Variants in HS6ST3 observed in about 807,000 individuals in gnomAD.
HS6ST3 encodes the protein heparan-sulfate 6-O-sulfotransferase 3.
HS6ST3 carries 12 observed loss-of-function variants against 36.7 expected under a neutral mutation model. That is an observed-to-expected ratio of 0.33 (90% CI 0.21 to 0.53). The LOEUF (loss-of-function observed/expected upper bound fraction) is 0.53. Ranked by LOEUF, HS6ST3 falls within the 20% of genes least tolerant of loss-of-function variation. The pLI, the probability that HS6ST3 is intolerant of heterozygous loss-of-function variation, is 0.95. For missense variants in HS6ST3, 584 were observed against 640.9 expected (o/e 0.91, Z 0.96); for synonymous variants, 240 against 257.5 (o/e 0.93, Z 0.65).
intron 1 of HS6ST3, among the ~76,000 whole-genome samples, chr13:96,163,644 A>G (rs147442004): frequency 6.6e-6 from 1 of 152,294 alleles, no homozygotes; most frequent in Non-Finnish European, 1.5e-5. Flanking sequence ...ATAATGGCAT[A>G]ATAGTATAGG....
chr13:96,575,239 A>T (rs1375912557), intron 1 of HS6ST3, among the ~76,000 whole-genome samples: 2 of 152,194 alleles, frequency 1.3e-5, no homozygotes, highest in African/African-American at 4.8e-5. Context: ...TCAGTGGCAT[A>T]GCCTGCTGAA....
intron 1 of HS6ST3, among the ~76,000 whole-genome samples, chr13:96,731,341 C>T (rs942966883): frequency 2.0e-5 from 3 of 152,176 alleles, no homozygotes; most frequent in African/African-American, 7.2e-5. Flanking sequence ...TGGTATTTGT[C>T]TTTCTGTGCC....
intron 1 of HS6ST3, among the ~76,000 whole-genome samples, chr13:96,759,497 CTTA>C (rs1403700201): frequency 1.3e-5 from 2 of 151,622 alleles, no homozygotes; most frequent in African/African-American, 2.4e-5. Flanking sequence ...GTACAATAAA[CTTA>C]TTATGATCTA....
At position 96,327,656 on chromosome 13, in the gene HS6ST3, G is replaced by A. The variant is rs1247796426; in HGVS notation, c.707+236087G>A. Among the ~76,000 whole-genome samples the A allele has an allele frequency of 9.3e-5, 14 of 151,252 alleles. No homozygotes were observed. In the East Asian group the frequency reaches 2.4e-3, roughly 25 times the overall value. ...TCTTTTGGCTTAGGATTGACTTGGCGATGCGGGCTCTTTTTTGGTTCCATA... is the reference window on the plus strand; with the variant it reads ...TCTTTTGGCTTAGGATTGACTTGGCAATGCGGGCTCTTTTTTGGTTCCATA... On this transcript the variant is annotated intron_variant, in intron 1 of 1. Transcript: ENST00000376705.
chr13:96,700,840 G>A (rs983916627), intron 1 of HS6ST3, among the ~76,000 whole-genome samples: 1 of 152,162 alleles, frequency 6.6e-6, no homozygotes, highest in Non-Finnish European at 1.5e-5. Flanking sequence ...TTCCTCTAGA[G>A]TGAATGATTC....
intron 1 of HS6ST3, among the ~76,000 whole-genome samples, chr13:96,636,705 A>C (rs940170418): frequency 1.3e-5 from 2 of 152,186 alleles, no homozygotes; most frequent in African/African-American, 2.4e-5. Context: ...TGGAATTGAC[A>C]TAAATCTAAT....
intron 1 of HS6ST3, among the ~76,000 whole-genome samples, chr13:96,130,715 T>C (rs1287279270): frequency 6.6e-6 from 1 of 152,216 alleles, no homozygotes; most frequent in Non-Finnish European, 1.5e-5. Context: ...CCTTGGGCTT[T>C]TCAGTCAGCT....
Position 96,761,100 on chromosome 13 carries a change from C to T in HS6ST3, c.708-71390C>T, listed in dbSNP as rs532198031. Reference sequence around the variant, plus strand: ...TTTAGCATTTTCTCTGTATATATGACGTGTTGAATTTTTTTTCACTTTTTT... The same window carrying T: ...TTTAGCATTTTCTCTGTATATATGATGTGTTGAATTTTTTTTCACTTTTTT... On this transcript the variant is annotated intron_variant, in intron 1 of 1. Coordinates refer to ENST00000376705, the MANE Select transcript of HS6ST3 (RefSeq NM_153456.4). Among the ~76,000 whole-genome samples the T allele has an allele frequency of 5.3e-5, 8 of 151,548 alleles. No homozygotes were observed. In the South Asian group the frequency reaches 8.3e-4, roughly 16 times the overall value.
At chr13:96,659,294 T>C (rs2056638151) in intron 1 of HS6ST3, among the ~76,000 whole-genome samples, 1 of 152,164 alleles carries the variant, frequency 6.6e-6, no homozygotes, top group South Asian at 2.1e-4. Flanking sequence ...TGCTGATTTG[T>C]CCTTTGGATA....
intron 1 of HS6ST3, among the ~76,000 whole-genome samples, chr13:96,831,536 A>G (rs780436158): frequency 6.6e-5 from 10 of 152,318 alleles, no homozygotes; most frequent in Middle Eastern, 3.4e-3. Flanking sequence ...ATCTGTGCAA[A>G]GCATCCATAA....
At chr13:96,713,665 T>C (rs1875622736) in intron 1 of HS6ST3, among the ~76,000 whole-genome samples, 1 of 152,214 alleles carries the variant, frequency 6.6e-6, no homozygotes, top group Non-Finnish European at 1.5e-5. Context: ...AGTAGGGCTT[T>C]GGTAGAAGCA....
intron 1 of HS6ST3, among the ~76,000 whole-genome samples, chr13:96,366,624 A>G (rs2055264469): frequency 6.6e-6 from 1 of 152,086 alleles, no homozygotes; most frequent in African/African-American, 2.4e-5. Flanking sequence ...CCCCATGCCC[A>G]AGATGCACCC....
At chr13:96,389,688 CA>C (rs1003695336) in intron 1 of HS6ST3, among the ~76,000 whole-genome samples, 1 of 152,012 alleles carries the variant, frequency 6.6e-6, no homozygotes, top group African/African-American at 2.4e-5. Context: ...AACATGAACA[CA>C]ATGGATAAAA....
chr13:96,824,328 C>T (rs754275620), intron 1 of HS6ST3, among the ~76,000 whole-genome samples: 14 of 152,220 alleles, frequency 9.2e-5, no homozygotes, highest in Non-Finnish European at 1.8e-4. Flanking sequence ...CCTCATGTTG[C>T]GGACACCCTC....
At chr13:96,601,211 C>T (rs2056420471) in intron 1 of HS6ST3, among the ~76,000 whole-genome samples, 1 of 152,132 alleles carries the variant, frequency 6.6e-6, no homozygotes, top group Non-Finnish European at 1.5e-5. Flanking sequence ...ATATCTAAAT[C>T]TCTAGCAAGC....
intron 1 of HS6ST3, among the ~76,000 whole-genome samples, chr13:96,500,958 A>G (rs2138912905): frequency 6.6e-6 from 1 of 152,284 alleles, no homozygotes; most frequent in African/African-American, 2.4e-5. Context: ...TACAATTTAT[A>G]ATGCAGTTTG....
intron 1 of HS6ST3, among the ~76,000 whole-genome samples, chr13:96,306,499 C>G (rs184279058): frequency 6.6e-6 from 1 of 152,154 alleles, no homozygotes; most frequent in African/African-American, 2.4e-5. Context: ...GCGTGAGTCA[C>G]CGCACCCGGC....
At chr13:96,610,396 T>C (rs1175461042) in intron 1 of HS6ST3, among the ~76,000 whole-genome samples, 2 of 152,194 alleles carry the variant, frequency 1.3e-5, no homozygotes, top group South Asian at 2.1e-4. Context: ...TGCATGAATA[T>C]AAAAAATCCT....
intron 1 of HS6ST3, among the ~76,000 whole-genome samples, chr13:96,596,532 C>T (rs1038348659): frequency 1.3e-5 from 2 of 152,056 alleles, no homozygotes; most frequent in South Asian, 2.1e-4. Context: ...CTTGAGAAAT[C>T]TTCATACCGG....
Sources: allele counts gnomAD v4.1 joint callset (sites outside exome capture counted in the v4.1 genomes callset), GRCh38; gene constraint gnomAD v4.1.1; transcripts MANE v1.5; gene names NCBI Gene and HGNC (gene_info 2026-07-23, HGNC 2026-07-21).